The following INTS1 variants were observed in gnomAD, a reference collection of about 807,000 sequenced individuals.
The protein encoded by INTS1 is integrator complex subunit 1.
Under a neutral mutation model 241.6 loss-of-function variants are expected in INTS1, and 137 were observed. That is an observed-to-expected ratio of 0.57 (90% CI 0.49 to 0.65). The LOEUF is 0.65. INTS1 is among the 30% of genes least tolerant of loss of function. The probability of loss-of-function intolerance (pLI) is 0.00; values close to 1 mark genes in which losing one functional copy is unlikely to be tolerated. For synonymous variants in INTS1, 1,692 were observed against 1,337.8 expected (o/e 1.26, Z -5.78); for missense variants, 3,073 against 3,032.2 (o/e 1.01, Z -0.32).
intron 24 of INTS1, 80 bp downstream of exon 24, chr7:1,484,994 AGGGCCACACTGCCGGCTGGCCCCG>A: frequency 3.9e-6 from 1 of 258,740 alleles, no homozygotes; most frequent in African/African-American, 3.1e-5. Context: ...TCCCCTCCCC[AGGGCCACACTGCCGGCTGGCCCCG>A]TCCCCTCCCC....
intron 44 of INTS1, 64 bp downstream of exon 44, chr7:1,472,209 C>T (rs1173074905): frequency 1.6e-6 from 2 of 1,252,576 alleles, no homozygotes; most frequent in Non-Finnish European, 2.3e-6. Flanking sequence ...CTACTGGCTG[C>T]TGCCCGCAGC....
rs1165054816 is a variant in INTS1, at chr7:1,481,796, C to T, written c.3704-308G>A. Among the ~76,000 whole-genome samples the T allele has an allele frequency of 2.0e-5, 3 of 150,508 alleles. No individual in the cohort carries two copies. Among genetic ancestry groups the T allele is most frequent in the East Asian group, 3.9e-4 (2 of 5,066 alleles). On this transcript the variant is annotated intron_variant, in intron 27 of 47. Transcript: ENST00000404767. The surrounding 1 kb of genome is among the most constrained non-coding windows in gnomAD (Gnocchi z 6.8). ...CCTGAGACCCTGGGCCACGTGGGCT[C>T]GGTGACCCCACCCGAGACCTGGGGC...
chr7:1,474,779 C>A lies in INTS1; in HGVS notation c.5562G>T (p.Ala1854=), dbSNP rs748045769. 1 of 1,580,262 alleles carries A rather than the reference C, an allele frequency of 6.3e-7. No individual in the cohort carries two copies. The highest frequency in any genetic ancestry group is 2.2e-4 in the Middle Eastern group (1 of 4,520). ...TLLADTSDSR[A]LENRGADASM... The stretch of plus-strand genomic sequence containing the variant: ...TGGCATCCGCCCCTCGGTTCTCCAA[C>A]GCCCGGGAGTCGCTGGTGTCCGCAA... The change falls in exon 40 of 48, where the codon GCG becomes GCT. Residue 1854 remains alanine (A), a synonymous_variant. Transcript: ENST00000404767.
Position 1,495,424 on chromosome 7 carries a change from C to CA in INTS1, c.1832+8dup. ...GTGGGACAGGGGCTGTACAGGGCCC[C>CA]AGCCGCACCAGTGCACGTAGTCCTT... On this transcript the variant is annotated intron_variant, in intron 13 of 47. Transcript: ENST00000404767. 1.9e-6 allele frequency: 3 copies of CA among 1,607,000 alleles called. No individual in the cohort carries two copies. The South Asian group carries it at 3.3e-5, about 18-fold the overall frequency.
rs773714369 is a variant in INTS1 at position 1,480,840 on chromosome 7, C to A, written c.3944G>T (p.Arg1315Leu). The A allele has an allele frequency of 1.0e-5, 16 of 1,551,126 alleles. No individual in the cohort carries two copies. In the South Asian group the frequency reaches 1.4e-4, roughly 14 times the overall value. Residue 1315 changes from arginine (R) to leucine (L), a missense_variant, in exon 29 of 48, where the codon CGC becomes CTC. Coordinates refer to ENST00000404767, the MANE Select transcript of INTS1 (RefSeq NM_001080453.3). ...GCCCCACCCCTCCCCAGTACCTCGG[C>A]GGGGCGGCAGGGAGGCTGTGAGCAA... ...HSLLTASLPP[R>L]RDSTEAPKPK...
At chr7:1,473,848 C>T (rs984859557) in intron 41 of INTS1, among the ~76,000 whole-genome samples, 155 bp from the exon 42 acceptor site, 6 of 152,232 alleles carry the variant, frequency 3.9e-5, no homozygotes, top group African/African-American at 9.6e-5. Flanking sequence ...CAAGGGTGGC[C>T]GGCATGGCCT....
intron 8 of INTS1, 45 bp downstream of exon 8, chr7:1,498,930 G>A: frequency 6.2e-6 from 9 of 1,460,188 alleles, no homozygotes; most frequent in Middle Eastern, 4.8e-4. Flanking sequence ...CACAGAGCCT[G>A]CCCCCACCCC....
At chr7:1,504,090 G>A in intron 1 of INTS1, 89 bp from the exon 2 acceptor site, 2 of 690,892 alleles carry the variant, frequency 2.9e-6, no homozygotes, top group Non-Finnish European at 4.7e-6. Flanking sequence ...GCTTGGGCCT[G>A]GGACCCGGGG....
Position 1,499,971 on chromosome 7 carries a change from C to G in INTS1, c.597G>C (p.Lys199Asn). ...RRDASINFKAKGNSLVSVLAC... is the reference protein window; with the variant it reads ...RRDASINFKANGNSLVSVLAC... ...CCAGCACAGACACCAGGCTGTTCCCCTTGGCCTTGAAGTTGATGGAGGCGT... is the reference window on the plus strand; with the variant it reads ...CCAGCACAGACACCAGGCTGTTCCCGTTGGCCTTGAAGTTGATGGAGGCGT... Residue 199 changes from lysine (K) to asparagine (N), a missense_variant, in exon 5 of 48, where the codon AAG becomes AAC. Coordinates refer to ENST00000404767, the MANE Select transcript of INTS1 (RefSeq NM_001080453.3). 6.2e-7 allele frequency: 1 copy of G among 1,613,704 alleles called. No homozygotes were observed. The highest frequency in any genetic ancestry group is 8.5e-7 in the Non-Finnish European group (1 of 1,179,882).
rs1213905487 is a variant in INTS1 at position 1,473,593 on chromosome 7, A to C, written c.5930T>G (p.Phe1977Cys). ...GAGCGGGTCGGCGTGCTTCTGCAGG[A>C]AGGAGATGGCTGCTGGGGCATTGTA... ...ITYNAPAAIS[F>C]LQKHADPLHD... Residue 1977 changes from phenylalanine (F) to cysteine (C), a missense_variant, in exon 42 of 48, where the codon TTC becomes TGC. By Grantham distance (205) the Phe-to-Cys change is radical. Coordinates refer to ENST00000404767, the MANE Select transcript of INTS1 (RefSeq NM_001080453.3). The C allele has an allele frequency of 3.4e-5, 54 of 1,607,074 alleles. No individual in the cohort carries two copies. The highest frequency in any genetic ancestry group is 4.5e-5 in the Non-Finnish European group (53 of 1,177,030).
At chr7:1,485,674 T>C (rs1782224978) in intron 22 of INTS1, 1 of 601,898 alleles carries the variant, frequency 1.7e-6, no homozygotes, top group African/African-American at 1.9e-5. Flanking sequence ...GAAGCCACTC[T>C]GGACCCTCCC....
rs184622337 is a variant in INTS1 at position 1,488,962 on chromosome 7, C to G, written c.2318+382G>C. 1.5e-3 allele frequency among the ~76,000 whole-genome samples: 223 copies of G among 152,350 alleles called. No individual in the cohort carries two copies. In the Middle Eastern group the frequency reaches 0.041, roughly 28 times the overall value. On this transcript the variant is annotated intron_variant, in intron 18 of 47. Transcript: ENST00000404767. ...CCAGTGTTAAAGCCCACCTGGCCCA[C>G]TGGGCCTGGCTCCATCCTGTCTAAC...
chr7:1,474,642 G>A (rs1019447204), intron 40 of INTS1, 63 bp downstream of exon 40: 69 of 1,502,186 alleles, frequency 4.6e-5, no homozygotes, highest in African/African-American at 2.8e-5. Flanking sequence ...GCCCAGGCTG[G>A]AGAGCCGCAG....
At chr7:1,472,992 G>C (rs1781543187) in intron 43 of INTS1, 80 bp downstream of exon 43, 2 of 953,090 alleles carry the variant, frequency 2.1e-6, no homozygotes, top group Admixed American at 2.6e-5. Context: ...ACGGCCCAGG[G>C]CTGGCTGTGC....
rs1195607910 is a variant in INTS1, at chr7:1,497,040, C to G, written c.1602+98G>C. Reference sequence around the variant, plus strand: ...CCGTACCCACGCTCAGCCAGAGCATCCGAAGGGGTGGAGTGTGCATGGGAC... The same window carrying G: ...CCGTACCCACGCTCAGCCAGAGCATGCGAAGGGGTGGAGTGTGCATGGGAC... On this transcript the variant is annotated intron_variant, in intron 11 of 47. Coordinates refer to ENST00000404767, the MANE Select transcript of INTS1 (RefSeq NM_001080453.3). The surrounding 1 kb of genome is among the most constrained non-coding windows in gnomAD (Gnocchi z 5.3). The G allele has an allele frequency of 3.2e-6, 4 of 1,246,690 alleles. No individual in the cohort carries two copies. Among genetic ancestry groups the G allele is most frequent in the African/African-American group, 3.0e-5 (2 of 66,138 alleles). 77.2% of individuals were successfully genotyped at this position (1,246,690 alleles called of 1,614,324 possible).
chr7:1,482,713 G>C lies in INTS1; in HGVS notation c.3542-6C>G, dbSNP rs1330568070. 4.3e-6 allele frequency: 7 copies of C among 1,612,198 alleles called. No homozygotes were observed. Among genetic ancestry groups the C allele is most frequent in the Non-Finnish European group, 5.1e-6 (6 of 1,179,630 alleles). On this transcript the variant is annotated splice_region_variant and splice_polypyrimidine_tract_variant and intron_variant, in intron 26 of 47. Transcript: ENST00000404767. ...CTGGAACTCGCTGTCGTCGGCTTCA[G>C]GAAGGACAACGGGTGAGCAGCCTTC... is the stretch of plus-strand genomic sequence containing the variant.
Position 1,483,738 on chromosome 7 carries a change from T to C in INTS1, c.3541+4A>G. 6.2e-7 allele frequency: 1 copy of C among 1,608,930 alleles called. No homozygotes were observed. ...TGCCCCTCCCGGGGCCTGTGGCGGCTCACCTCGAGGCGGGCCCAGCGTCAG... is the reference window on the plus strand; with the variant it reads ...TGCCCCTCCCGGGGCCTGTGGCGGCCCACCTCGAGGCGGGCCCAGCGTCAG... On this transcript the variant is annotated splice_donor_region_variant and intron_variant, in intron 26 of 47. Transcript: ENST00000404767.
In INTS1 at chr7:1,479,552, C is replaced by T. The variant is rs191952781; in HGVS notation, c.4207G>A (p.Val1403Met). The change falls in exon 31 of 48, where the codon GTG becomes ATG. Residue 1403 changes from valine to methionine, a missense_variant. Physicochemically the swap from Val to Met is conservative, Grantham distance 21. Transcript: ENST00000404767. ...QGSPEVPGIT[V>M]RVLQALATLL... ...GTGGCGAGGGCCTGCAGGACACGCA[C>T]CGTGATGCCCGGCACCTCGGGGCTG... 9.0e-4 allele frequency: 1,399 copies of T among 1,554,284 alleles called. 18 individuals are homozygous for T. The highest frequency in any genetic ancestry group is 8.7e-3 in the Middle Eastern group (51 of 5,878).
chr7:1,493,668 C>T lies in INTS1; in HGVS notation c.2068+86G>A. 8 of 1,473,726 alleles carry T rather than the reference C, an allele frequency of 5.4e-6. No individual in the cohort carries two copies. In the South Asian group the frequency reaches 8.2e-5, roughly 15 times the overall value. The allele number at this position is 1,473,726 out of a possible 1,614,324, so 91.3% of individuals were successfully genotyped here. ...GCTGAAGCGCAGCTTTGTGGAGCGC[C>T]CCAGAGGTGCGTGCCAGAGCCGGGG... On this transcript the variant is annotated intron_variant, in intron 15 of 47. Coordinates refer to ENST00000404767, the MANE Select transcript of INTS1 (RefSeq NM_001080453.3). This position sits in a 1 kb window ranked among gnomAD's most constrained non-coding sequence, Gnocchi z 5.3.
Sources: gnomAD v4.1 joint callset for allele counts (sites outside exome capture counted in the v4.1 genomes callset) on GRCh38, gnomAD v4.1.1 for gene constraint, Gnocchi (gnomAD v3.1) non-coding constraint, MANE v1.5 for transcripts, NCBI Gene and HGNC (gene_info 2026-07-23, HGNC 2026-07-21) for gene names.